The following ANGPT1 variants were observed in gnomAD, a reference collection of about 807,000 sequenced individuals.
The protein encoded by ANGPT1 is angiopoietin 1.
ANGPT1 carries 17 observed loss-of-function variants against 62.2 expected under a neutral mutation model. The ratio of observed to expected loss-of-function variants is 0.27; its 90% confidence interval spans 0.19 to 0.41. The LOEUF (loss-of-function observed/expected upper bound fraction) is 0.41, where lower values mean the gene tolerates loss of function less well. Among genes scored for constraint, ANGPT1 ranks in the 10% least tolerant of loss-of-function variants. The pLI is 1.00. For missense variants in ANGPT1, 478 were observed against 594.9 expected, an observed-to-expected ratio of 0.80 and a Z score of 2.04; for synonymous variants, 199 against 198.9, an observed-to-expected ratio of 1.00 and a Z score of 0.00.
intron 1 of ANGPT1, among the ~76,000 whole-genome samples, chr8:107,442,831 C>A (rs538688844): frequency 1.8e-4 from 28 of 152,272 alleles, no homozygotes; most frequent in African/African-American, 6.5e-4. Flanking sequence ...AGTAACTCAG[C>A]CTGCTAAGTA....
chr8:107,454,099 G>A (rs1469070673), intron 1 of ANGPT1, among the ~76,000 whole-genome samples: 1 of 152,014 alleles, frequency 6.6e-6, no homozygotes, highest in Non-Finnish European at 1.5e-5. Context: ...GCTGCCTAAA[G>A]TCCTACCTAT....
chr8:107,485,057 G>A (rs1344825508), intron 1 of ANGPT1, among the ~76,000 whole-genome samples: 1 of 152,128 alleles, frequency 6.6e-6, no homozygotes, highest in Admixed American at 6.5e-5. Flanking sequence ...TGCACATTGG[G>A]GAAAGGTCTC....
At chr8:107,409,465 A>C (rs1817215250) in intron 1 of ANGPT1, among the ~76,000 whole-genome samples, 1 of 152,138 alleles carries the variant, frequency 6.6e-6, no homozygotes, top group African/African-American at 2.4e-5. Context: ...CCCAGGACCC[A>C]GGCTCAGTGG....
At chr8:107,368,097 T>G (rs989240632) in intron 1 of ANGPT1, among the ~76,000 whole-genome samples, 3 of 152,202 alleles carry the variant, frequency 2.0e-5, no homozygotes, top group South Asian at 2.1e-4. Flanking sequence ...CTATGGCAGC[T>G]TTAGCCTTCT....
intron 1 of ANGPT1, among the ~76,000 whole-genome samples, chr8:107,427,616 CT>C (rs1408981675): frequency 6.6e-6 from 1 of 152,164 alleles, no homozygotes; most frequent in Non-Finnish European, 1.5e-5. Flanking sequence ...TGATTCTCCC[CT>C]CCCTTTGTCC....
At chr8:107,274,170 A>T (rs567785358) in intron 7 of ANGPT1, among the ~76,000 whole-genome samples, 14 of 152,238 alleles carry the variant, frequency 9.2e-5, no homozygotes, top group Admixed American at 9.2e-4. Context: ...CTAGGTCTTA[A>T]CCCAGGATAA....
At chr8:107,399,249 A>T (rs1183243846) in intron 1 of ANGPT1, among the ~76,000 whole-genome samples, 1 of 152,102 alleles carries the variant, frequency 6.6e-6, no homozygotes, top group Non-Finnish European at 1.5e-5. Context: ...TACCTTCTCC[A>T]TCATCAACAA....
At chr8:107,283,967 G>A (rs1022364736) in intron 7 of ANGPT1, 5 of 152,118 alleles carry the variant, frequency 3.3e-5, no homozygotes, top group African/African-American at 1.2e-4. Context: ...AACACAATAA[G>A]TGTTCGTGCA....
At chr8:107,274,004 CT>C (rs2130083013) in intron 7 of ANGPT1, among the ~76,000 whole-genome samples, 1 of 151,428 alleles carries the variant, frequency 6.6e-6, no homozygotes, top group East Asian at 2.0e-4. Context: ...TGCTAAATCA[CT>C]TCAGCTAAAA....
intron 1 of ANGPT1, among the ~76,000 whole-genome samples, chr8:107,456,650 T>A (rs1015209114): frequency 1.3e-5 from 2 of 152,074 alleles, no homozygotes; most frequent in Non-Finnish European, 2.9e-5. Context: ...TAAATTGTTC[T>A]TAAGGTCTGG....
At chr8:107,343,854 G>A (rs1477333236) in intron 2 of ANGPT1, among the ~76,000 whole-genome samples, 1 of 152,124 alleles carries the variant, frequency 6.6e-6, no homozygotes, top group Non-Finnish European at 1.5e-5. Flanking sequence ...TTCAACCTAG[G>A]AGGTCGAGAC....
intron 1 of ANGPT1, among the ~76,000 whole-genome samples, chr8:107,380,134 G>T (rs1816606353): frequency 1.3e-5 from 2 of 151,724 alleles, no homozygotes; most frequent in Non-Finnish European, 2.9e-5. Flanking sequence ...AATACAAATA[G>T]AGGAAAAATT....
At chr8:107,493,634 A>T (rs1388634619) in intron 1 of ANGPT1, among the ~76,000 whole-genome samples, 1 of 150,482 alleles carries the variant, frequency 6.6e-6, no homozygotes, top group Admixed American at 6.7e-5. Flanking sequence ...AGTAGACAGT[A>T]AAGTGCAGAA....
chr8:107,495,436 A>G (rs1489331083), intron 1 of ANGPT1, among the ~76,000 whole-genome samples: 2 of 152,166 alleles, frequency 1.3e-5, no homozygotes. Flanking sequence ...CATATGAAAC[A>G]CGTGCATGAT....
intron 1 of ANGPT1, among the ~76,000 whole-genome samples, chr8:107,448,064 T>C (rs1432159717): frequency 6.6e-6 from 1 of 152,204 alleles, no homozygotes; most frequent in African/African-American, 2.4e-5. Context: ...ACACAATCTC[T>C]GGGATTTACT....
chr8:107,439,857 G>A (rs555604228), intron 1 of ANGPT1, among the ~76,000 whole-genome samples: 2 of 152,270 alleles, frequency 1.3e-5, no homozygotes, highest in South Asian at 4.2e-4. Flanking sequence ...GCTTGGCTCA[G>A]GCTGAGACTG....
At position 107,456,350 on chromosome 8, in the gene ANGPT1, A is replaced by G. The variant is rs548026815; in HGVS notation, c.297+40912T>C. Among the ~76,000 whole-genome samples the G allele has an allele frequency of 1.4e-4, 22 of 152,180 alleles. No individual in the cohort carries two copies. In the South Asian group the frequency reaches 4.6e-3, roughly 32 times the overall value. On this transcript the variant is annotated intron_variant, in intron 1 of 8. Transcript: ENST00000517746. ...AAAAAGAAACTCCAAGCTCAGTGGT[A>G]TTCTGGGTTCAAGGCCTGAGTAAAA...
At chr8:107,301,666 G>A (rs556788916) in intron 5 of ANGPT1, among the ~76,000 whole-genome samples, 361 of 151,990 alleles carry the variant, frequency 2.4e-3, no homozygotes, top group South Asian at 0.012. Context: ...GATGGCTGAG[G>A]TAGCAAAGTA....
At chr8:107,416,467 C>T (rs959569962) in intron 1 of ANGPT1, among the ~76,000 whole-genome samples, 2 of 152,182 alleles carry the variant, frequency 1.3e-5, no homozygotes, top group Admixed American at 1.3e-4. Context: ...TGGGATGCCC[C>T]ACTGTCCAGG....
Sources: allele counts gnomAD v4.1 joint callset (sites outside exome capture counted in the v4.1 genomes callset), GRCh38; gene constraint gnomAD v4.1.1; transcripts MANE v1.5; gene names NCBI Gene and HGNC (gene_info 2026-07-23, HGNC 2026-07-21).